Variants in CDK6 observed in about 807,000 individuals in gnomAD.
CDK6 encodes the protein cyclin dependent kinase 6.
In CDK6, 6 loss-of-function variants were observed where a neutral mutation model predicts 37.1. That is an observed-to-expected ratio of 0.16 (90% CI 0.09 to 0.32). CDK6 has a LOEUF of 0.32. Ranked by LOEUF, CDK6 falls within the 10% of genes least tolerant of loss-of-function variation. The pLI is 1.00. For synonymous variants in CDK6, 160 were observed against 161.3 expected (o/e 0.99, Z 0.06); for missense variants, 224 against 418.9 (o/e 0.53, Z 4.06).
chr7:92,745,492 A>T (rs932769271), intron 3 of CDK6, among the ~76,000 whole-genome samples: 1 of 152,174 alleles, frequency 6.6e-6, no homozygotes, highest in African/African-American at 2.4e-5. Context: ...TCACCACTGG[A>T]TCAGGACTGA....
chr7:92,641,425 A>T (rs1796302571), intron 5 of CDK6, among the ~76,000 whole-genome samples: 1 of 152,146 alleles, frequency 6.6e-6, no homozygotes, highest in Admixed American at 6.6e-5. Flanking sequence ...TTTGATGCCC[A>T]AATTGTTTTA....
chr7:92,704,819 C>A (rs893030039), intron 4 of CDK6, among the ~76,000 whole-genome samples: 2 of 152,126 alleles, frequency 1.3e-5, no homozygotes, highest in Non-Finnish European at 2.9e-5. Context: ...TCTTGGTACA[C>A]ATGTGCAGGA....
chr7:92,645,788 G>A (rs571443267), intron 5 of CDK6, among the ~76,000 whole-genome samples: 2 of 152,292 alleles, frequency 1.3e-5, no homozygotes, highest in East Asian at 3.9e-4. Context: ...GAGTATGTTG[G>A]ATGACCTTCC....
chr7:92,792,703 TAAG>T (rs1429726982), intron 2 of CDK6, among the ~76,000 whole-genome samples: 1 of 151,860 alleles, frequency 6.6e-6, no homozygotes, highest in Non-Finnish European at 1.5e-5. Context: ...CCAAAGGCCA[TAAG>T]AAGAGATGAA....
chr7:92,662,297 G>A (rs1796856583), intron 5 of CDK6, among the ~76,000 whole-genome samples: 1 of 152,140 alleles, frequency 6.6e-6, no homozygotes, highest in Admixed American at 6.5e-5. Flanking sequence ...ACTGGAGATG[G>A]GGCTGAATGT....
intron 3 of CDK6, among the ~76,000 whole-genome samples, chr7:92,770,007 A>G (rs1334995148): frequency 6.6e-6 from 1 of 152,182 alleles, no homozygotes; most frequent in Non-Finnish European, 1.5e-5. Flanking sequence ...CAGCATGGAA[A>G]CCCAGGAAGG....
intron 6 of CDK6, among the ~76,000 whole-genome samples, chr7:92,619,679 C>G (rs1795763170): frequency 6.6e-6 from 1 of 151,880 alleles, no homozygotes; most frequent in South Asian, 2.1e-4. Flanking sequence ...TAGACTTCAG[C>G]TGGGAAGATA....
chr7:92,759,445 C>T lies in CDK6; in HGVS notation c.369+15251G>A, dbSNP rs930434484. ...TTTGATGGCATATAGGCTCACAGGA[C>T]GAGTCTGGAACACACCAATTTTAGC... On this transcript the variant is annotated intron_variant, in intron 3 of 7. Coordinates refer to ENST00000424848, the MANE Select transcript of CDK6 (RefSeq NM_001145306.2). Among the ~76,000 whole-genome samples, 4 of 152,114 alleles carry T rather than the reference C, an allele frequency of 2.6e-5. No individual in the cohort carries two copies. In the South Asian group the frequency reaches 6.2e-4, roughly 24 times the overall value.
At chr7:92,637,205 AC>A (rs1796193687) in intron 5 of CDK6, among the ~76,000 whole-genome samples, 1 of 152,146 alleles carries the variant, frequency 6.6e-6, no homozygotes, top group Non-Finnish European at 1.5e-5. Flanking sequence ...TTAAATAGCA[AC>A]TGACTGTTTT....
chr7:92,776,137 G>A (rs1009929758), intron 2 of CDK6, among the ~76,000 whole-genome samples: 5 of 143,710 alleles, frequency 3.5e-5, no homozygotes, highest in Admixed American at 7.2e-5. Context: ...TTCAACTCCC[G>A]CTTATGAGTG....
intron 4 of CDK6, chr7:92,710,581 T>C (rs1310790094): frequency 3.1e-6 from 1 of 321,952 alleles, no homozygotes; most frequent in Non-Finnish European, 4.5e-6. Flanking sequence ...TTTGATTGGA[T>C]ATTTTGTACT....
chr7:92,767,807 G>C (rs1375009453), intron 3 of CDK6, among the ~76,000 whole-genome samples: 1 of 151,974 alleles, frequency 6.6e-6, no homozygotes, highest in Non-Finnish European at 1.5e-5. Context: ...TTTCTGTGGA[G>C]AAAATATTTC....
intron 4 of CDK6, among the ~76,000 whole-genome samples, chr7:92,697,918 T>C (rs1797757857): frequency 6.6e-6 from 1 of 152,204 alleles, no homozygotes; most frequent in Admixed American, 6.5e-5. Context: ...TATCACAAAT[T>C]TTCATGTTTT....
At chr7:92,783,882 C>T (rs1800057922) in intron 2 of CDK6, among the ~76,000 whole-genome samples, 1 of 152,146 alleles carries the variant, frequency 6.6e-6, no homozygotes, top group Non-Finnish European at 1.5e-5. Context: ...TCTCCTCATT[C>T]CAGATCAATT....
chr7:92,688,462 A>G (rs1023807573), intron 4 of CDK6, among the ~76,000 whole-genome samples: 1 of 152,132 alleles, frequency 6.6e-6, no homozygotes, highest in Admixed American at 6.6e-5. Context: ...AGTTCAAGAC[A>G]ACTGTAAAAT....
At chr7:92,776,598 C>T (rs1799857054) in intron 2 of CDK6, among the ~76,000 whole-genome samples, 1 of 152,196 alleles carries the variant, frequency 6.6e-6, no homozygotes, top group Non-Finnish European at 1.5e-5. Flanking sequence ...TAATGATTGC[C>T]ATTCTAACTG....
rs140894063 is a variant in CDK6 at position 92,714,128 on chromosome 7, T to C, written c.537+11498A>G. On this transcript the variant is annotated intron_variant, in intron 4 of 7. Coordinates refer to ENST00000424848, the MANE Select transcript of CDK6 (RefSeq NM_001145306.2). ...AGTCAAACAAATGGGGATACTACCA[T>C]ATGAGAACTACTATATTACAGGCAA... Among the ~76,000 whole-genome samples the C allele has an allele frequency of 4.0e-4, 61 of 152,266 alleles. 1 individual carries two copies. In the East Asian group the frequency reaches 0.01, roughly 26 times the overall value.
chr7:92,770,319 CTTTTTT>C (rs746741500), intron 3 of CDK6, among the ~76,000 whole-genome samples: 2 of 90,934 alleles, frequency 2.2e-5, no homozygotes, highest in East Asian at 3.3e-4. Flanking sequence ...TCTATGTATG[CTTTTTT>C]TTTTTTTTTT....
chr7:92,747,221 T>C (rs1799082186), intron 3 of CDK6, among the ~76,000 whole-genome samples: 1 of 152,232 alleles, frequency 6.6e-6, no homozygotes, highest in African/African-American at 2.4e-5. Flanking sequence ...CTGTCAAGTC[T>C]TCTCAATTTC....
Sources: gnomAD v4.1 joint callset for allele counts (sites outside exome capture counted in the v4.1 genomes callset) on GRCh38, gnomAD v4.1.1 for gene constraint, MANE v1.5 for transcripts, NCBI Gene and HGNC (gene_info 2026-07-23, HGNC 2026-07-21) for gene names.